The following SEMA3A variants were observed in gnomAD, a reference collection of about 807,000 sequenced individuals.
The protein encoded by SEMA3A is semaphorin 3A.
In SEMA3A, 29 loss-of-function variants were observed where a neutral mutation model predicts 97.9. That is an observed-to-expected ratio of 0.30 (90% CI 0.22 to 0.40). The LOEUF is 0.40. SEMA3A is among the 10% of genes least tolerant of loss of function. The pLI is 1.00. For synonymous variants in SEMA3A, 321 were observed against 323.7 expected, an observed-to-expected ratio of 0.99 and a Z score of 0.09; for missense variants, 763 against 951.3, an observed-to-expected ratio of 0.80 and a Z score of 2.60.
rs554729305 is a variant in SEMA3A, at chr7:84,307,361, T to C, written c.-168-69A>G. 279 of 152,304 alleles carry C rather than the reference T, an allele frequency of 1.8e-3. 1 individual carries two copies. The highest frequency in any genetic ancestry group is 6.3e-3 in the African/African-American group (262 of 41,570). 9.4% of individuals were successfully genotyped at this position (152,304 alleles called of 1,614,324 possible). On this transcript the variant is annotated intron_variant, in intron 2 of 3. Coordinates refer to the SEMA3A transcript ENST00000424555. ...AAACAATTACCAATCAATTAATATA[T>C]GCTCCACTTAATTAAAAGTCAGTTT...
At chr7:84,357,585 G>C (rs546162290) in intron 2 of SEMA3A, among the ~76,000 whole-genome samples, 1 of 151,992 alleles carries the variant, frequency 6.6e-6, no homozygotes, top group Non-Finnish European at 1.5e-5. Context: ...GAATAGTGCC[G>C]CAATAAACAT....
chr7:84,488,885 G>A (rs565019238), intron 1 of SEMA3A, among the ~76,000 whole-genome samples: 1 of 152,180 alleles, frequency 6.6e-6, no homozygotes, highest in African/African-American at 2.4e-5. Context: ...CGATAAGATG[G>A]TCAGAGATAA....
At chr7:83,979,125 G>A (rs1584498974) in intron 14 of SEMA3A, among the ~76,000 whole-genome samples, 1 of 148,080 alleles carries the variant, frequency 6.8e-6, no homozygotes, top group African/African-American at 2.5e-5. Flanking sequence ...GTTCAAACAC[G>A]AATTCCACTT....
intron 3 of SEMA3A, among the ~76,000 whole-genome samples, chr7:84,212,493 T>C (rs2189444): frequency 0.63 from 95,223 of 152,014 alleles, 30,268 homozygotes; most frequent in East Asian, 0.74. Context: ...AGCTTTGTTT[T>C]AGGTTGCTAT....
At chr7:84,113,373 G>A (rs1230892016) in intron 3 of SEMA3A, among the ~76,000 whole-genome samples, 2 of 152,142 alleles carry the variant, frequency 1.3e-5, no homozygotes, top group Admixed American at 6.6e-5. Context: ...AGGTTTTCGA[G>A]TGTTCCAAAA....
chr7:84,030,210 G>A (rs936521384), intron 6 of SEMA3A, among the ~76,000 whole-genome samples: 1 of 152,102 alleles, frequency 6.6e-6, no homozygotes, highest in Non-Finnish European at 1.5e-5. Flanking sequence ...TTTGCTCTGT[G>A]ATAGCAAGTA....
At chr7:84,400,960 C>T (rs925395718) in intron 1 of SEMA3A, among the ~76,000 whole-genome samples, 14 of 152,058 alleles carry the variant, frequency 9.2e-5, no homozygotes, top group African/African-American at 3.4e-4. Context: ...AGAACTGGAA[C>T]AAGAAAAGGT....
chr7:83,977,538 C>A (rs563345838), intron 14 of SEMA3A, among the ~76,000 whole-genome samples: 1 of 151,892 alleles, frequency 6.6e-6, no homozygotes, highest in Non-Finnish European at 1.5e-5. Flanking sequence ...GGCCTAACTT[C>A]TGTGGAAAAA....
At chr7:84,272,833 T>G (rs143864292) in intron 3 of SEMA3A, among the ~76,000 whole-genome samples, 28 of 152,250 alleles carry the variant, frequency 1.8e-4, no homozygotes, top group Non-Finnish European at 3.5e-4. Context: ...CTCAGCTTTT[T>G]TCCACCTTAA....
At chr7:84,106,179 T>C (rs147500429) in intron 4 of SEMA3A, among the ~76,000 whole-genome samples, 2 of 152,318 alleles carry the variant, frequency 1.3e-5, no homozygotes, top group Admixed American at 1.3e-4. Flanking sequence ...CATAACATTT[T>C]GGTTAATGAT....
intron 3 of SEMA3A, among the ~76,000 whole-genome samples, chr7:84,254,892 G>A (rs1454920192): frequency 6.6e-6 from 1 of 152,084 alleles, no homozygotes; most frequent in African/African-American, 2.4e-5. Flanking sequence ...TTTATATGAA[G>A]TTAATGAAGT....
At chr7:84,487,133 T>A (rs1479261527) in intron 1 of SEMA3A, among the ~76,000 whole-genome samples, 2 of 152,148 alleles carry the variant, frequency 1.3e-5, no homozygotes, top group African/African-American at 2.4e-5. Context: ...AAAAAATGGG[T>A]ATTTTAATGG....
intron 3 of SEMA3A, among the ~76,000 whole-genome samples, chr7:84,263,266 T>G (rs1799903161): frequency 6.6e-6 from 1 of 152,160 alleles, no homozygotes; most frequent in Non-Finnish European, 1.5e-5. Flanking sequence ...AGAGCCGGCA[T>G]GTGTAGGTGG....
chr7:84,474,751 T>A (rs78051712), intron 1 of SEMA3A, among the ~76,000 whole-genome samples: 2,885 of 152,156 alleles, frequency 0.019, 108 homozygotes, highest in African/African-American at 0.066. Context: ...CTGCTGATGA[T>A]CCTAACACCC....
intron 3 of SEMA3A, among the ~76,000 whole-genome samples, chr7:84,224,670 T>A (rs1304368272): frequency 6.6e-6 from 1 of 152,054 alleles, no homozygotes; most frequent in African/African-American, 2.4e-5. Context: ...TTAAGACACC[T>A]TGAGCACCCT....
At position 83,986,185 on chromosome 7, in the gene SEMA3A, A is replaced by C. The variant is rs116153797; in HGVS notation, c.1453-708T>G. ...GAGAGTGCCAGCCTCATTCCTAACA[A>C]CACCAGTGGCAGCTGATGAGAGTAG... On this transcript the variant is annotated intron_variant, in intron 12 of 16. Transcript: ENST00000265362. 6.4e-3 allele frequency among the ~76,000 whole-genome samples: 979 copies of C among 152,254 alleles called. 12 individuals carry two copies. Among genetic ancestry groups the C allele is most frequent in the African/African-American group, 0.021 (884 of 41,544 alleles).
intron 1 of SEMA3A, among the ~76,000 whole-genome samples, chr7:84,474,880 G>T (rs1403170709): frequency 1.3e-5 from 2 of 151,872 alleles, no homozygotes; most frequent in African/African-American, 4.8e-5. Context: ...TATTTTAGGG[G>T]ATCAGAACGC....
intron 6 of SEMA3A, among the ~76,000 whole-genome samples, chr7:84,036,029 T>C (rs1791928755): frequency 6.6e-6 from 1 of 152,108 alleles, no homozygotes; most frequent in East Asian, 1.9e-4. Context: ...AAGAGAAGAC[T>C]GGGTGTATTT....
chr7:84,068,445 A>T (rs1793618376), intron 4 of SEMA3A, among the ~76,000 whole-genome samples: 1 of 151,380 alleles, frequency 6.6e-6, no homozygotes, highest in Non-Finnish European at 1.5e-5. Flanking sequence ...AAAAACTGGA[A>T]AAAACAAAAG....
Sources: gnomAD v4.1 joint callset for allele counts (sites outside exome capture counted in the v4.1 genomes callset) on GRCh38, gnomAD v4.1.1 for gene constraint, MANE v1.5 for transcripts, NCBI Gene and HGNC (gene_info 2026-07-23, HGNC 2026-07-21) for gene names.